AGBL4: variants seen among roughly 807,000 people sequenced by gnomAD.
AGBL4 encodes the protein cytosolic carboxypeptidase 6.
AGBL4 carries 58 observed loss-of-function variants against 66.4 expected under a neutral mutation model. That is an observed-to-expected ratio of 0.87 (90% CI 0.71 to 1.09). AGBL4 has a LOEUF of 1.09. Ranked by LOEUF, AGBL4 falls within the 50% of genes least tolerant of loss-of-function variation. The probability of loss-of-function intolerance (pLI) is 0.00; values close to 1 mark genes in which losing one functional copy is unlikely to be tolerated. For missense variants in AGBL4, 579 were observed against 631.0 expected, an observed-to-expected ratio of 0.92 and a Z score of 0.88; for synonymous variants, 234 against 222.9, an observed-to-expected ratio of 1.05 and a Z score of -0.44.
chr1:49,301,867 C>A (rs76272588), intron 3 of AGBL4, among the ~76,000 whole-genome samples: 3,621 of 152,192 alleles, frequency 0.024, 122 homozygotes, highest in African/African-American at 0.083. Flanking sequence ...CCCAACCAAT[C>A]AACAGTATCC....
chr1:49,573,166 G>A (rs556954432), intron 3 of AGBL4, among the ~76,000 whole-genome samples: 1 of 151,092 alleles, frequency 6.6e-6, no homozygotes, highest in East Asian at 1.9e-4. Context: ...GTGTGTGTGT[G>A]TGTGTGTGTG....
At chr1:49,580,978 A>C (rs910083561) in intron 3 of AGBL4, among the ~76,000 whole-genome samples, 2 of 152,110 alleles carry the variant, frequency 1.3e-5, no homozygotes, top group Admixed American at 1.3e-4. Context: ...ATTCTTCCCT[A>C]TCCAGAATAC....
intron 4 of AGBL4, among the ~76,000 whole-genome samples, chr1:49,244,256 T>C (rs1396696103): frequency 6.6e-6 from 1 of 151,864 alleles, no homozygotes; most frequent in Admixed American, 6.6e-5. Flanking sequence ...AACAGTGATG[T>C]CCTGTTACTT....
chr1:49,346,762 T>C (rs989329628), intron 3 of AGBL4, among the ~76,000 whole-genome samples: 1 of 152,146 alleles, frequency 6.6e-6, no homozygotes, highest in African/African-American at 2.4e-5. Context: ...TTCATCCTTC[T>C]ACAACTCTTA....
chr1:49,377,497 C>A (rs1280999375), intron 3 of AGBL4, among the ~76,000 whole-genome samples: 1 of 152,032 alleles, frequency 6.6e-6, no homozygotes, highest in Admixed American at 6.6e-5. Flanking sequence ...TTGCTTTTAA[C>A]ACAGGGAAGA....
intron 2 of AGBL4, among the ~76,000 whole-genome samples, chr1:49,730,458 C>T (rs1649352874): frequency 6.6e-6 from 1 of 152,060 alleles, no homozygotes; most frequent in Non-Finnish European, 1.5e-5. Context: ...CTATGACATG[C>T]CCCCATTCAC....
chr1:49,924,767 G>A (rs1652595727), intron 1 of AGBL4, among the ~76,000 whole-genome samples: 1 of 151,994 alleles, frequency 6.6e-6, no homozygotes, highest in African/African-American at 2.4e-5. Flanking sequence ...TGAGAATAAT[G>A]CCCTCAAAAT....
intron 2 of AGBL4, among the ~76,000 whole-genome samples, chr1:49,739,641 G>A (rs1405393963): frequency 4.6e-5 from 7 of 152,272 alleles, no homozygotes; most frequent in Middle Eastern, 3.4e-3. Flanking sequence ...AATGTTAAGG[G>A]CAGCCAGAGA....
chr1:49,145,125 A>G (rs1646192416), intron 4 of AGBL4, among the ~76,000 whole-genome samples: 1 of 152,172 alleles, frequency 6.6e-6, no homozygotes, highest in African/African-American at 2.4e-5. Context: ...CTATTTTTAG[A>G]AAATCATAGA....
chr1:48,921,393 T>A (rs1160489274), intron 5 of AGBL4, among the ~76,000 whole-genome samples: 1 of 152,166 alleles, frequency 6.6e-6, no homozygotes, highest in Non-Finnish European at 1.5e-5. Flanking sequence ...TATAAATAAT[T>A]AATGACAATA....
intron 3 of AGBL4, among the ~76,000 whole-genome samples, chr1:49,608,152 C>A (rs553119657): frequency 6.6e-6 from 1 of 152,116 alleles, no homozygotes; most frequent in East Asian, 1.9e-4. Context: ...AGTAGGAGTT[C>A]ACTAGGTAGA....
At chr1:48,764,196 A>T (rs1289878726) in intron 6 of AGBL4, among the ~76,000 whole-genome samples, 1 of 152,234 alleles carries the variant, frequency 6.6e-6, no homozygotes, top group East Asian at 1.9e-4. Context: ...CCGTCAGTGT[A>T]ACCCTGGAAG....
At chr1:50,021,492 G>C (rs1662437343) in intron 1 of AGBL4, among the ~76,000 whole-genome samples, 1 of 152,044 alleles carries the variant, frequency 6.6e-6, no homozygotes, top group Non-Finnish European at 1.5e-5. Context: ...ACCTACCCAA[G>C]GCCCCTTCCA....
intron 2 of AGBL4, among the ~76,000 whole-genome samples, chr1:49,842,574 C>A (rs751553413): frequency 3.9e-5 from 6 of 152,108 alleles, no homozygotes; most frequent in Admixed American, 3.3e-4. Context: ...GTGACGACAC[C>A]AAGTCCTCAT....
At position 49,342,875 on chromosome 1, in the gene AGBL4, G is replaced by A. The variant is rs1187140460; in HGVS notation, c.283-97011C>T. On this transcript the variant is annotated intron_variant, in intron 3 of 13. Transcript: ENST00000371839. ...CTCTTTGAAAATATCTTGTACACCC[G>A]TGGTTAAGTCACAACCTTAGTTAAG... 5.3e-5 allele frequency among the ~76,000 whole-genome samples: 8 copies of A among 152,108 alleles called. 1 individual carries two copies. Among genetic ancestry groups the A allele is most frequent in the Admixed American group, 2.0e-4 (3 of 15,276 alleles).
chr1:48,857,091 C>T (rs534914495), intron 6 of AGBL4, among the ~76,000 whole-genome samples: 3 of 152,278 alleles, frequency 2.0e-5, no homozygotes, highest in African/African-American at 7.2e-5. Flanking sequence ...TGTTTTGCTT[C>T]TCTGCAAAAC....
At chr1:49,035,343 C>T (rs900343299) in intron 5 of AGBL4, among the ~76,000 whole-genome samples, 1 of 151,934 alleles carries the variant, frequency 6.6e-6, no homozygotes, top group Non-Finnish European at 1.5e-5. Flanking sequence ...GAGACCAAGG[C>T]CAGATTTAGA....
intron 3 of AGBL4, among the ~76,000 whole-genome samples, chr1:49,670,178 C>A (rs1646449590): frequency 6.6e-6 from 1 of 152,062 alleles, no homozygotes; most frequent in Non-Finnish European, 1.5e-5. Flanking sequence ...ATCATCAGAG[C>A]TTTTGGTACA....
intron 4 of AGBL4, among the ~76,000 whole-genome samples, chr1:49,156,470 TG>T (rs1646432371): frequency 6.6e-6 from 1 of 152,182 alleles, no homozygotes; most frequent in African/African-American, 2.4e-5. Flanking sequence ...TTAGCTAGAT[TG>T]TTCTAGCTCA....
Sources: gnomAD v4.1 joint callset for allele counts (sites outside exome capture counted in the v4.1 genomes callset) on GRCh38, gnomAD v4.1.1 for gene constraint, MANE v1.5 for transcripts, NCBI Gene and HGNC (gene_info 2026-07-23, HGNC 2026-07-21) for gene names.